The following CLHC1 variants were observed in gnomAD, a reference collection of about 807,000 sequenced individuals.
CLHC1 encodes clathrin heavy chain linker domain-containing protein 1.
A neutral mutation model predicts 69.5 loss-of-function variants in CLHC1; 72 were observed. The observed-to-expected ratio is 1.04, with a 90% CI of 0.86 to 1.26. The LOEUF is 1.26. Among genes scored for constraint, CLHC1 ranks in the 50% most tolerant of loss-of-function variants. The probability of loss-of-function intolerance (pLI) is 0.00; values close to 1 mark genes in which losing one functional copy is unlikely to be tolerated. For missense variants in CLHC1, 790 were observed against 679.3 expected, an observed-to-expected ratio of 1.16 and a Z score of -1.81; for synonymous variants, 223 against 224.3, an observed-to-expected ratio of 0.99 and a Z score of 0.05.
rs181547943 is a variant in CLHC1, at chr2:55,190,934, G to T, written c.1007-9190C>A. ...AACTATACTAACACTCACAATCAAAGTGCCAAAAAAAAAGTAAAAATGAGA... is the reference window on the plus strand; with the variant it reads ...AACTATACTAACACTCACAATCAAATTGCCAAAAAAAAAGTAAAAATGAGA... On this transcript the variant is annotated intron_variant, in intron 9 of 12. Transcript: ENST00000401408. 1.2e-3 allele frequency among the ~76,000 whole-genome samples: 182 copies of T among 151,612 alleles called. 2 individuals carry two copies. The Middle Eastern group carries it at 0.017, about 14-fold the overall frequency.
chr2:55,184,625 G>C (rs972875655), intron 9 of CLHC1, among the ~76,000 whole-genome samples: 2 of 151,920 alleles, frequency 1.3e-5, no homozygotes, highest in African/African-American at 4.8e-5. Flanking sequence ...AGATTTCTTA[G>C]GCCAGGCGCG....
At chr2:55,185,956 C>G (rs1416423280) in intron 9 of CLHC1, among the ~76,000 whole-genome samples, 1 of 152,092 alleles carries the variant, frequency 6.6e-6, no homozygotes, top group South Asian at 2.1e-4. Flanking sequence ...AAGCAATTGT[C>G]TAAAAAATAA....
At chr2:55,194,249 T>C (rs1202710096) in intron 9 of CLHC1, among the ~76,000 whole-genome samples, 1 of 151,682 alleles carries the variant, frequency 6.6e-6, no homozygotes, top group Non-Finnish European at 1.5e-5. Context: ...TTTTGTGGAG[T>C]TTTTCCCACA....
intron 9 of CLHC1, among the ~76,000 whole-genome samples, chr2:55,201,928 G>A (rs1437015888): frequency 6.6e-6 from 1 of 152,162 alleles, no homozygotes; most frequent in African/African-American, 2.4e-5. Context: ...ATAATTTCAA[G>A]AGATGCTGAA....
At chr2:55,187,707 C>G (rs1347822825) in intron 9 of CLHC1, among the ~76,000 whole-genome samples, 1 of 151,668 alleles carries the variant, frequency 6.6e-6, no homozygotes, top group South Asian at 2.1e-4. Flanking sequence ...ATGTAAACAG[C>G]AAAACGATGA....
chr2:55,208,251 A>T (rs953874644), intron 8 of CLHC1, among the ~76,000 whole-genome samples: 1 of 152,220 alleles, frequency 6.6e-6, no homozygotes, highest in African/African-American at 2.4e-5. Flanking sequence ...ATAATGAGAT[A>T]TCTTGGGGAT....
intron 3 of CLHC1, 74 bp downstream of exon 3, chr2:55,222,161 C>T: frequency 3.0e-6 from 3 of 1,007,024 alleles, no homozygotes; most frequent in Non-Finnish European, 4.6e-6. Context: ...GTTACTAAGG[C>T]AGGAATATTG....
At chr2:55,217,523 CAAAAAAAAAA>C (rs1162910086) in intron 4 of CLHC1, among the ~76,000 whole-genome samples, 1 of 20,332 alleles carries the variant, frequency 4.9e-5, no homozygotes, top group Non-Finnish European at 8.8e-5. Context: ...AACCCTGTCT[CAAAAAAAAAA>C]AAAAAAAAAA....
chr2:55,216,739 T>C (rs1413412063), intron 4 of CLHC1, among the ~76,000 whole-genome samples: 1 of 152,104 alleles, frequency 6.6e-6, no homozygotes, highest in Non-Finnish European at 1.5e-5. Flanking sequence ...CCCAGGCTGA[T>C]TTCAAACTCC....
At chr2:55,186,124 A>G (rs909590221) in intron 9 of CLHC1, among the ~76,000 whole-genome samples, 2 of 152,164 alleles carry the variant, frequency 1.3e-5, no homozygotes, top group Admixed American at 1.3e-4. Context: ...AAAACAACCT[A>G]CATCCACAGG....
chr2:55,197,392 G>C (rs2103834814), intron 9 of CLHC1, among the ~76,000 whole-genome samples: 1 of 152,352 alleles, frequency 6.6e-6, no homozygotes, highest in South Asian at 2.1e-4. Context: ...CCTTGGACAA[G>C]ACCCAGTGCT....
rs1349077335 is a variant in CLHC1 at position 55,201,568 on chromosome 2, T to G, written c.1006+4702A>C. ...AAGCCCAGGACCTGATGGCTTCACT[T>G]CTGACTCTACCAAACATCTAAAAAA... On this transcript the variant is annotated intron_variant, in intron 9 of 12. Coordinates refer to ENST00000401408, the MANE Select transcript of CLHC1 (RefSeq NM_152385.4). Among the ~76,000 whole-genome samples the G allele has an allele frequency of 2.0e-5, 3 of 152,100 alleles. No homozygotes were observed. In the East Asian group the frequency reaches 5.8e-4, roughly 29 times the overall value.
rs190947352 is a variant in CLHC1 at position 55,194,957 on chromosome 2, G to T, written c.1006+11313C>A. On this transcript the variant is annotated intron_variant, in intron 9 of 12. Transcript: ENST00000401408. ...TTGGGGGATGGGGTATCATTCTGTC[G>T]CCAGTCTGGAGTACAGTGGTGTGAT... 4.4e-4 allele frequency among the ~76,000 whole-genome samples: 67 copies of T among 150,618 alleles called. 1 individual carries two copies. Among genetic ancestry groups the T allele is most frequent in the Non-Finnish European group, 8.3e-4 (56 of 67,730 alleles).
intron 11 of CLHC1, among the ~76,000 whole-genome samples, chr2:55,179,973 T>C (rs2103670598): frequency 6.6e-6 from 1 of 152,056 alleles, no homozygotes; most frequent in South Asian, 2.1e-4. Context: ...GCTAACACGG[T>C]GAAACCCTGT....
At position 55,202,522 on chromosome 2, in the gene CLHC1, C is replaced by T. The variant is rs553055795; in HGVS notation, c.1006+3748G>A. Among the ~76,000 whole-genome samples, 10 of 150,206 alleles carry T rather than the reference C, an allele frequency of 6.7e-5. No homozygotes were observed. The East Asian group carries it at 2.0e-3, about 29-fold the overall frequency. On this transcript the variant is annotated intron_variant, in intron 9 of 12. Transcript: ENST00000401408. Reference sequence around the variant, plus strand: ...AGTGAGCTGAGATCGCGCCATTGCACTCCAGCCTGGGGGACAAGAGTGAGA... The same window carrying T: ...AGTGAGCTGAGATCGCGCCATTGCATTCCAGCCTGGGGGACAAGAGTGAGA...
rs1407904219 is a variant in CLHC1, at chr2:55,172,943, T to G, written c.*2847A>C. 6.6e-6 allele frequency among the ~76,000 whole-genome samples: 1 copy of G among 152,212 alleles called. No individual in the cohort carries two copies. Among genetic ancestry groups the G allele is most frequent in the Non-Finnish European group, 1.5e-5 (1 of 68,032 alleles). On this transcript the variant is annotated 3_prime_UTR_variant, in exon 13 of 13. Coordinates refer to ENST00000401408, the MANE Select transcript of CLHC1 (RefSeq NM_152385.4). ...TCTAAACCTTTCCAAATGAATGAAT[T>G]TAATAGAAATTCATTTTGATACATG...
intron 4 of CLHC1, 29 bp from the exon 5 acceptor site, chr2:55,212,835 T>C (rs1435051771): frequency 1.3e-6 from 2 of 1,523,528 alleles, no homozygotes; most frequent in Non-Finnish European, 1.8e-6. Context: ...TTCTTATGTC[T>C]TTCAACTAAC....
chr2:55,223,457 C>A (rs1274697829), intron 2 of CLHC1, among the ~76,000 whole-genome samples: 2 of 152,096 alleles, frequency 1.3e-5, no homozygotes, highest in Admixed American at 6.5e-5. Context: ...GTGGGCCGGC[C>A]CCGCGCAGCC....
Position 55,177,697 on chromosome 2 carries a change from G to T in CLHC1, c.1469C>A (p.Ser490Tyr). 6.2e-7 allele frequency: 1 copy of T among 1,613,264 alleles called. No homozygotes were observed. Among genetic ancestry groups the T allele is most frequent in the Non-Finnish European group, 8.5e-7 (1 of 1,179,408 alleles). Residue 490 changes from serine to tyrosine, a missense_variant, in exon 12 of 13, where the codon TCT (serine) becomes TAT (tyrosine). Ser to Tyr is a moderately radical substitution (Grantham distance 144, BLOSUM62 -2). Transcript: ENST00000401408. ...AAGTATAGCAAGACCAAAAGATAAAGATGGTTGTTTCTCATTCAACTCTTT... is the reference window on the plus strand; with the variant it reads ...AAGTATAGCAAGACCAAAAGATAAATATGGTTGTTTCTCATTCAACTCTTT... ...LTKELNEKQPSLSFGLAILHL... is the reference protein window; with the variant it reads ...LTKELNEKQPYLSFGLAILHL...
Sources: allele counts gnomAD v4.1 joint callset (sites outside exome capture counted in the v4.1 genomes callset), GRCh38; gene constraint gnomAD v4.1.1; transcripts MANE v1.5; gene names NCBI Gene and HGNC (gene_info 2026-07-23, HGNC 2026-07-21).